The following STK24 variants were observed in gnomAD, a reference collection of about 807,000 sequenced individuals.
STK24 encodes serine/threonine-protein kinase 24.
In STK24, 21 loss-of-function variants were observed where a neutral mutation model predicts 55.6. The ratio of observed to expected loss-of-function variants is 0.38; its 90% CI spans 0.27 to 0.54. The LOEUF (loss-of-function observed/expected upper bound fraction) is 0.54. Among genes scored for constraint, STK24 ranks in the 20% least tolerant of loss-of-function variants. The pLI is 0.79. For missense variants in STK24, 383 were observed against 538.4 expected (o/e 0.71, Z 2.86); for synonymous variants, 200 against 215.2 (o/e 0.93, Z 0.62).
chr13:98,569,581 A>G (rs1344036264), intron 1 of STK24, among the ~76,000 whole-genome samples: 4 of 152,142 alleles, frequency 2.6e-5, no homozygotes, highest in Admixed American at 6.5e-5. Flanking sequence ...TTCCTAAGAC[A>G]AGGTTGCAAC....
chr13:98,503,041 T>TTTTTTTTTC (rs1555306354), intron 2 of STK24, among the ~76,000 whole-genome samples: 51 of 148,800 alleles, frequency 3.4e-4, no homozygotes, highest in African/African-American at 1.2e-3. Context: ...TTTTTTTTTT[T>TTTTTTTTTC]CAGTATGGTA....
At chr13:98,475,827 C>T (rs1894349442) in intron 3 of STK24, among the ~76,000 whole-genome samples, 1 of 152,196 alleles carries the variant, frequency 6.6e-6, no homozygotes, top group African/African-American at 2.4e-5. Context: ...CAGGATCTGT[C>T]CTAACATATG....
At chr13:98,510,289 G>A (rs1364625246) in intron 2 of STK24, among the ~76,000 whole-genome samples, 1 of 152,194 alleles carries the variant, frequency 6.6e-6, no homozygotes, top group African/African-American at 2.4e-5. Context: ...GAAGCATCCT[G>A]TGAAAGGCAC....
chr13:98,539,791 G>T (rs1409230263), intron 1 of STK24, among the ~76,000 whole-genome samples: 3 of 152,136 alleles, frequency 2.0e-5, no homozygotes. Flanking sequence ...AAAAGGTTAA[G>T]CATAAAACTA....
At chr13:98,525,347 C>T (rs1896396441) in intron 1 of STK24, among the ~76,000 whole-genome samples, 2 of 152,330 alleles carry the variant, frequency 1.3e-5, no homozygotes, top group Middle Eastern at 3.4e-3. Flanking sequence ...TGAAAGGAAG[C>T]AAAGCCTAAG....
rs781221529 is a variant in STK24 at position 98,448,285 on chromosome 13, G to A, written c.*4888C>T. 2.8e-5 allele frequency: 46 copies of A among 1,614,076 alleles called. No individual in the cohort carries two copies. The East Asian group carries it at 2.9e-4, about 10-fold the overall frequency. On this transcript the variant is annotated 3_prime_UTR_variant, in exon 11 of 11. Transcript: ENST00000539966. The stretch of plus-strand genomic sequence containing the variant: ...CACCAGCTCTGCCTCGCGACCCCAC[G>A]TGTTGAGTCACAAAGAGTCTCTTGT...
chr13:98,560,257 G>A (rs1199217027), intron 1 of STK24, among the ~76,000 whole-genome samples: 2 of 152,178 alleles, frequency 1.3e-5, no homozygotes, highest in Non-Finnish European at 2.9e-5. Context: ...CAACGCTATG[G>A]CTCAATATTG....
chr13:98,558,882 AGGCTGGGC>A (rs1897341279), intron 1 of STK24, among the ~76,000 whole-genome samples: 1 of 151,848 alleles, frequency 6.6e-6, no homozygotes, highest in African/African-American at 2.4e-5. Context: ...ATATATCCCT[AGGCTGGGC>A]ACGGTGGCTC....
In STK24 at chr13:98,451,973, A is replaced by T. The variant is rs1262852387; in HGVS notation, c.*1200T>A. 1 of 152,024 alleles carries T rather than the reference A, an allele frequency of 6.6e-6. No individual in the cohort carries two copies. The highest frequency in any genetic ancestry group is 6.6e-5 in the Admixed American group (1 of 15,260). The allele number at this position is 152,024 out of a possible 1,614,324, so 9.4% of individuals were successfully genotyped here. On this transcript the variant is annotated 3_prime_UTR_variant, in exon 11 of 11. Transcript: ENST00000539966. Reference sequence around the variant, plus strand: ...AACCTCCAACTGCATCATCTCGGTGAGCAAGTGCGCAAGCAGTCCAGGGCG... The same window carrying T: ...AACCTCCAACTGCATCATCTCGGTGTGCAAGTGCGCAAGCAGTCCAGGGCG...
chr13:98,504,577 A>G (rs1185834837), intron 2 of STK24, among the ~76,000 whole-genome samples: 1 of 152,216 alleles, frequency 6.6e-6, no homozygotes, highest in African/African-American at 2.4e-5. Context: ...AAATGACAAC[A>G]GTGGTTCATG....
At chr13:98,570,279 T>C (rs903153374) in intron 1 of STK24, among the ~76,000 whole-genome samples, 1 of 151,602 alleles carries the variant, frequency 6.6e-6, no homozygotes, top group Non-Finnish European at 1.5e-5. Flanking sequence ...TGGCGGGAGG[T>C]GGAAGCAGCT....
intron 2 of STK24, among the ~76,000 whole-genome samples, chr13:98,495,632 G>C (rs1278230250): frequency 6.6e-6 from 1 of 152,152 alleles, no homozygotes; most frequent in Admixed American, 6.5e-5. Context: ...TGTCTTCGGG[G>C]GCTTTCTTCA....
intron 2 of STK24, among the ~76,000 whole-genome samples, chr13:98,485,326 T>C (rs1373835850): frequency 3.3e-5 from 5 of 152,184 alleles, no homozygotes; most frequent in Middle Eastern, 3.4e-3. Context: ...GAAGTGCTGA[T>C]TGGTAAGAGA....
At chr13:98,536,040 TCTTTTAG>T (rs1319015536) in intron 1 of STK24, among the ~76,000 whole-genome samples, 5 of 152,176 alleles carry the variant, frequency 3.3e-5, no homozygotes, top group African/African-American at 1.2e-4. Context: ...TACCTGAAAA[TCTTTTAG>T]CTTTTAGAGG....
intron 1 of STK24, among the ~76,000 whole-genome samples, chr13:98,563,635 G>A (rs1897488980): frequency 6.6e-6 from 1 of 152,158 alleles, no homozygotes; most frequent in East Asian, 1.9e-4. Flanking sequence ...GAGGTGGGCG[G>A]ATCACGAGGT....
intron 1 of STK24, among the ~76,000 whole-genome samples, chr13:98,519,901 A>G (rs1896200048): frequency 6.6e-6 from 1 of 152,254 alleles, no homozygotes; most frequent in African/African-American, 2.4e-5. Flanking sequence ...AATTTTTACT[A>G]AAATGTTAAC....
chr13:98,563,854 C>G (rs540607361), intron 1 of STK24, among the ~76,000 whole-genome samples: 1 of 148,490 alleles, frequency 6.7e-6, no homozygotes, highest in African/African-American at 2.5e-5. Context: ...AGCGAGACTC[C>G]GTCTCAAAAA....
intron 3 of STK24, among the ~76,000 whole-genome samples, chr13:98,480,030 G>A (rs1424100808): frequency 6.6e-6 from 1 of 152,122 alleles, no homozygotes; most frequent in East Asian, 1.9e-4. Flanking sequence ...CCCCTCACCC[G>A]TGAGGGTCTC....
At chr13:98,557,623 A>G (rs1897313911) in intron 1 of STK24, among the ~76,000 whole-genome samples, 1 of 152,202 alleles carries the variant, frequency 6.6e-6, no homozygotes. Flanking sequence ...CAAACTGTCA[A>G]CGCCCAAAAT....
Sources: allele counts gnomAD v4.1 joint callset (sites outside exome capture counted in the v4.1 genomes callset), GRCh38; gene constraint gnomAD v4.1.1; transcripts MANE v1.5; gene names NCBI Gene and HGNC (gene_info 2026-07-23, HGNC 2026-07-21).